Variants in CNTNAP2 observed in about 807,000 individuals in gnomAD.
CNTNAP2 encodes contactin associated protein 2.
A neutral mutation model predicts 155.2 loss-of-function variants in CNTNAP2; 98 were observed. The ratio of observed to expected loss-of-function variants is 0.63; its 90% confidence interval spans 0.54 to 0.75. The LOEUF is 0.75. Among genes scored for constraint, CNTNAP2 ranks in the 30% least tolerant of loss-of-function variants. The pLI, the probability that CNTNAP2 is intolerant of heterozygous loss-of-function variation, is 0.00. For missense variants in CNTNAP2, 1,727 were observed against 1,688.1 expected, an observed-to-expected ratio of 1.02 and a Z score of -0.40; for synonymous variants, 651 against 631.2, an observed-to-expected ratio of 1.03 and a Z score of -0.47.
chr7:146,385,767 G>A (rs377127760), intron 1 of CNTNAP2, among the ~76,000 whole-genome samples: 15 of 152,226 alleles, frequency 9.9e-5, no homozygotes, highest in African/African-American at 2.2e-4. Context: ...TTTTCATTCC[G>A]TTGCAAAGAT....
intron 1 of CNTNAP2, among the ~76,000 whole-genome samples, chr7:146,655,777 A>G (rs1024681692): frequency 1.3e-5 from 2 of 152,200 alleles, no homozygotes; most frequent in Non-Finnish European, 2.9e-5. Context: ...GATATCCATG[A>G]AAACTCTCTC....
chr7:146,398,574 G>T (rs1795668383), intron 1 of CNTNAP2, among the ~76,000 whole-genome samples: 1 of 152,106 alleles, frequency 6.6e-6, no homozygotes, highest in South Asian at 2.1e-4. Flanking sequence ...TGTATTGCAA[G>T]TTTTTATTGA....
At chr7:146,204,032 A>G (rs1298926992) in intron 1 of CNTNAP2, among the ~76,000 whole-genome samples, 7 of 152,244 alleles carry the variant, frequency 4.6e-5, no homozygotes, top group African/African-American at 1.7e-4. Context: ...GCATCATAGC[A>G]TTAGTTTTAA....
At chr7:147,858,459 A>G (rs954178668) in intron 13 of CNTNAP2, among the ~76,000 whole-genome samples, 1 of 152,350 alleles carries the variant, frequency 6.6e-6, no homozygotes, top group African/African-American at 2.4e-5. Context: ...TCTTAGAGCA[A>G]AAGAGCTCCA....
chr7:146,778,928 G>T (rs995250201), intron 2 of CNTNAP2, among the ~76,000 whole-genome samples: 3 of 152,222 alleles, frequency 2.0e-5, no homozygotes, highest in African/African-American at 7.2e-5. Context: ...CTCAACGGTT[G>T]CTATTAGAAT....
intron 17 of CNTNAP2, among the ~76,000 whole-genome samples, chr7:148,167,671 T>C (rs1417102216): frequency 6.6e-6 from 1 of 152,172 alleles, no homozygotes; most frequent in Non-Finnish European, 1.5e-5. Context: ...AGACACCATC[T>C]AGTTCAGCCT....
At chr7:148,407,625 G>T (rs563226124) in intron 22 of CNTNAP2, among the ~76,000 whole-genome samples, 1 of 150,674 alleles carries the variant, frequency 6.6e-6, no homozygotes, top group African/African-American at 2.4e-5. Flanking sequence ...GAACACTTGA[G>T]CCTGGGAGGT....
At chr7:148,407,953 T>C (rs1418648336) in intron 22 of CNTNAP2, among the ~76,000 whole-genome samples, 1 of 152,178 alleles carries the variant, frequency 6.6e-6, no homozygotes, top group Admixed American at 6.5e-5. Context: ...TAAACAAGAA[T>C]ATCAAGTCTG....
intron 3 of CNTNAP2, among the ~76,000 whole-genome samples, chr7:146,962,090 G>A (rs1178595935): frequency 1.3e-5 from 2 of 152,076 alleles, no homozygotes; most frequent in Non-Finnish European, 2.9e-5. Flanking sequence ...TTATAATCTT[G>A]TTGTTCATTC....
chr7:146,231,737 G>A (rs1185523605), intron 1 of CNTNAP2, among the ~76,000 whole-genome samples: 1 of 152,116 alleles, frequency 6.6e-6, no homozygotes, highest in East Asian at 1.9e-4. Flanking sequence ...CTCTGATGAA[G>A]TGCATCCGGG....
intron 3 of CNTNAP2, among the ~76,000 whole-genome samples, chr7:146,901,810 TTTGAA>T (rs1463685466): frequency 6.6e-6 from 1 of 152,024 alleles, no homozygotes; most frequent in African/African-American, 2.4e-5. Flanking sequence ...TAATGTGAAC[TTTGAA>T]GGAGTATATT....
chr7:146,605,751 G>C (rs1390663608), intron 1 of CNTNAP2, among the ~76,000 whole-genome samples: 1 of 152,116 alleles, frequency 6.6e-6, no homozygotes, highest in Non-Finnish European at 1.5e-5. Context: ...GAGCATAGTT[G>C]AATAACTGGC....
At chr7:147,441,602 T>C (rs944681819) in intron 10 of CNTNAP2, among the ~76,000 whole-genome samples, 6 of 152,146 alleles carry the variant, frequency 3.9e-5, no homozygotes, top group Admixed American at 6.5e-5. Context: ...CCCGTCCTTC[T>C]TGGGAAGGCT....
rs144284692 is a variant in CNTNAP2, at chr7:147,019,344, C to T, written c.403-24563C>T. Among the ~76,000 whole-genome samples, 9 of 152,018 alleles carry T rather than the reference C, an allele frequency of 5.9e-5. No homozygotes were observed. The South Asian group carries it at 1.9e-3, about 32-fold the overall frequency. ...CACTCAATAAATGCATGATAGTTGA[C>T]CGAATGTTAACTTATGATATACGAC... On this transcript the variant is annotated intron_variant, in intron 3 of 23. Transcript: ENST00000361727.
chr7:146,233,175 G>GT (rs143998039), intron 1 of CNTNAP2, among the ~76,000 whole-genome samples: 29,824 of 150,982 alleles, frequency 0.2, 3,136 homozygotes, highest in East Asian at 0.3. Flanking sequence ...AAAAAAAAGT[G>GT]TTTTTTTTTA....
intron 1 of CNTNAP2, among the ~76,000 whole-genome samples, chr7:146,330,318 G>T (rs554746332): frequency 5.3e-5 from 8 of 152,054 alleles, no homozygotes; most frequent in African/African-American, 1.9e-4. Context: ...CACTGCGCCC[G>T]GCTCGACAAG....
At chr7:146,521,853 T>TA (rs1797620739) in intron 1 of CNTNAP2, among the ~76,000 whole-genome samples, 2 of 151,976 alleles carry the variant, frequency 1.3e-5, no homozygotes, top group South Asian at 2.1e-4. Context: ...ATATTAGATT[T>TA]AAAAAAATCT....
chr7:146,881,849 C>T (rs1305272907), intron 3 of CNTNAP2, among the ~76,000 whole-genome samples: 1 of 149,282 alleles, frequency 6.7e-6, no homozygotes, highest in Non-Finnish European at 1.5e-5. Context: ...GATACATATG[C>T]AGCTTTGCTA....
At chr7:147,995,040 A>T (rs1801777235) in intron 15 of CNTNAP2, among the ~76,000 whole-genome samples, 1 of 152,192 alleles carries the variant, frequency 6.6e-6, no homozygotes, top group Admixed American at 6.5e-5. Context: ...CTCCCACTGG[A>T]GTCCACAGAA....
Sources: gnomAD v4.1 joint callset for allele counts (sites outside exome capture counted in the v4.1 genomes callset) on GRCh38, gnomAD v4.1.1 for gene constraint, MANE v1.5 for transcripts, NCBI Gene and HGNC (gene_info 2026-07-23, HGNC 2026-07-21) for gene names.